MKX: variants seen among roughly 807,000 people sequenced by gnomAD.
The protein encoded by MKX is homeobox protein Mohawk.
MKX carries 13 observed loss-of-function variants against 36.0 expected under a neutral mutation model. That is an observed-to-expected ratio of 0.36 (90% CI 0.24 to 0.57). MKX has a LOEUF of 0.57. Among genes scored for constraint, MKX ranks in the 20% least tolerant of loss-of-function variants. The pLI, the probability that MKX is intolerant of heterozygous loss-of-function variation, is 0.79. For synonymous variants in MKX, 176 were observed against 178.3 expected, an observed-to-expected ratio of 0.99 and a Z score of 0.10; for missense variants, 458 against 456.4, an observed-to-expected ratio of 1.00 and a Z score of -0.03.
chr10:27,694,700 A>AAG (rs1836522170), intron 5 of MKX, among the ~76,000 whole-genome samples: 1 of 149,924 alleles, frequency 6.7e-6, no homozygotes. Context: ...GTCTCAAAAA[A>AAG]AAAAAAAAAA....
chr10:27,688,294 A>G (rs1836393209), intron 5 of MKX, among the ~76,000 whole-genome samples: 1 of 152,222 alleles, frequency 6.6e-6, no homozygotes. Flanking sequence ...TTATTCGATG[A>G]TTTAATATGA....
chr10:27,676,422 G>A (rs1458475339), intron 5 of MKX, among the ~76,000 whole-genome samples: 8 of 146,882 alleles, frequency 5.4e-5, no homozygotes, highest in Non-Finnish European at 1.0e-4. Context: ...CTGTTGCCCA[G>A]GCTGGAGTGC....
chr10:27,698,865 T>G (rs1025024630), intron 5 of MKX, among the ~76,000 whole-genome samples: 2 of 152,156 alleles, frequency 1.3e-5, no homozygotes, highest in African/African-American at 4.8e-5. Context: ...AAAAGAGGTA[T>G]GTAAATCAAT....
intron 5 of MKX, among the ~76,000 whole-genome samples, chr10:27,700,446 C>A (rs893059875): frequency 6.6e-6 from 1 of 152,116 alleles, no homozygotes; most frequent in Non-Finnish European, 1.5e-5. Context: ...TTTACACTAT[C>A]GGTAAAAATC....
At chr10:27,732,728 C>T (rs1834659131) in intron 5 of MKX, among the ~76,000 whole-genome samples, 1 of 152,158 alleles carries the variant, frequency 6.6e-6, no homozygotes, top group Non-Finnish European at 1.5e-5. Context: ...CTGGTCACAA[C>T]AGTCAGATGT....
At chr10:27,707,223 C>T (rs887318813) in intron 5 of MKX, among the ~76,000 whole-genome samples, 1 of 147,280 alleles carries the variant, frequency 6.8e-6, no homozygotes, top group Non-Finnish European at 1.5e-5. Context: ...CTTTCATCAG[C>T]TCTAGGTACT....
chr10:27,673,847 A>G lies in MKX; in HGVS notation c.*1382T>C, dbSNP rs1200742831. The stretch of plus-strand genomic sequence containing the variant: ...ACCACTGGCTGCACTATTGACCCTC[A>G]TTCACACTGACAAAAATGCTTTCCA... On this transcript the variant is annotated 3_prime_UTR_variant, in exon 7 of 7. Transcript: ENST00000419761. 1 of 152,350 alleles carries G rather than the reference A, an allele frequency of 6.6e-6. No individual in the cohort carries two copies. The highest frequency in any genetic ancestry group is 1.5e-5 in the Non-Finnish European group (1 of 67,978). The allele number at this position is 152,350 out of a possible 1,614,324, so 9.4% of individuals were successfully genotyped here. A position where few individuals can be genotyped will look rare whatever the true frequency, so the allele number is the denominator to read the frequency against.
At chr10:27,695,597 A>G (rs539730823) in intron 5 of MKX, among the ~76,000 whole-genome samples, 133 of 152,356 alleles carry the variant, frequency 8.7e-4, no homozygotes, top group South Asian at 2.1e-3. Flanking sequence ...GAAGATGCAC[A>G]TAAAATGAAA....
chr10:27,730,445 C>T (rs1209462919), intron 5 of MKX, among the ~76,000 whole-genome samples: 1 of 147,868 alleles, frequency 6.8e-6, no homozygotes, highest in Non-Finnish European at 1.5e-5. Flanking sequence ...TTTCTCACAC[C>T]AACTTTCAAC....
At chr10:27,711,322 C>A (rs150471354) in intron 5 of MKX, among the ~76,000 whole-genome samples, 54 of 152,294 alleles carry the variant, frequency 3.5e-4, no homozygotes, top group African/African-American at 1.2e-3. Context: ...AAAGCACTAT[C>A]TACTCTTAAA....
chr10:27,709,849 A>G lies in MKX; in HGVS notation c.838+24607T>C, dbSNP rs182374894. ...ATAATGTGAGCTACATGCAAACCAC[A>G]TAAGTCATTTAACATGTTCTAGTAG... is the stretch of plus-strand genomic sequence containing the variant. On this transcript the variant is annotated intron_variant, in intron 5 of 6. Transcript: ENST00000419761. 3.0e-3 allele frequency among the ~76,000 whole-genome samples: 457 copies of G among 152,350 alleles called. 11 individuals are homozygous for G. The Middle Eastern group carries it at 0.041, about 14-fold the overall frequency.
chr10:27,735,818 G>A (rs1310022559), intron 3 of MKX, among the ~76,000 whole-genome samples: 14 of 152,174 alleles, frequency 9.2e-5, no homozygotes, highest in Non-Finnish European at 8.8e-5. Context: ...GGTCAAGAGG[G>A]AAGGGAAGTG....
intron 3 of MKX, among the ~76,000 whole-genome samples, chr10:27,740,699 G>A (rs1834874459): frequency 6.6e-6 from 1 of 152,178 alleles, no homozygotes; most frequent in Non-Finnish European, 1.5e-5. Flanking sequence ...CTCTCCTTAA[G>A]CCCAGCAGAA....
At position 27,734,756 on chromosome 10, in the gene MKX, C is replaced by A; in HGVS notation, c.538G>T (p.Gly180Trp). ...TGGTGAACTGGGGTATTATAGCCCC[C>A]TTCGTTCATGTGGGTTCTTGGAGGA... is the stretch of plus-strand genomic sequence containing the variant. ...ENPPRTHMNE[G>W]GYNTPVHHPV... Residue 180 changes from glycine (G) to tryptophan (W), a missense_variant, in exon 5 of 7, where the codon GGG (glycine) becomes TGG (tryptophan). Physicochemically the swap from Gly to Trp is radical, Grantham distance 184 (BLOSUM62 -2). Around this residue, in one of 3 missense-constraint regions of MKX, gnomAD observed 297 missense variants for 304.4 expected, o/e 0.98. Coordinates refer to ENST00000419761, the MANE Select transcript of MKX (RefSeq NM_173576.3). The A allele has an allele frequency of 6.2e-7, 1 of 1,613,570 alleles. No homozygotes were observed. The highest frequency in any genetic ancestry group is 8.5e-7 in the Non-Finnish European group (1 of 1,179,674).
chr10:27,735,868 A>C (rs1348730722), intron 3 of MKX, among the ~76,000 whole-genome samples: 2 of 152,196 alleles, frequency 1.3e-5, no homozygotes, highest in African/African-American at 4.8e-5. Flanking sequence ...ATAGAAGTGA[A>C]ATTCCACAGA....
intron 5 of MKX, among the ~76,000 whole-genome samples, chr10:27,690,348 C>T (rs1028898190): frequency 6.7e-5 from 10 of 149,220 alleles, no homozygotes; most frequent in Non-Finnish European, 1.2e-4. Context: ...CCAGCCTGGG[C>T]GACAGAGTGA....
intron 5 of MKX, among the ~76,000 whole-genome samples, chr10:27,721,568 T>G (rs1463429618): frequency 6.6e-6 from 1 of 152,072 alleles, no homozygotes; most frequent in African/African-American, 2.4e-5. Flanking sequence ...AAGTGGGAGC[T>G]GAATAATGAG....
At position 27,673,656 on chromosome 10, in the gene MKX, C is replaced by A. The variant is rs1334911836; in HGVS notation, c.*1573G>T. On this transcript the variant is annotated 3_prime_UTR_variant, in exon 7 of 7. Transcript: ENST00000419761. ...CAAAGTAAAAATATATATATATACA[C>A]AAAATATTTTTATATCAAATTATCT... The A allele has an allele frequency of 3.3e-5, 5 of 152,012 alleles. No individual in the cohort carries two copies. Among genetic ancestry groups the A allele is most frequent in the Non-Finnish European group, 5.9e-5 (4 of 67,942 alleles). The allele number at this position is 152,012 out of a possible 1,614,324, so 9.4% of individuals were successfully genotyped here. A position where few individuals can be genotyped will look rare whatever the true frequency, so the allele number is the denominator to read the frequency against.
chr10:27,706,876 A>G (rs934962725), intron 5 of MKX, among the ~76,000 whole-genome samples: 1 of 152,224 alleles, frequency 6.6e-6, no homozygotes, highest in South Asian at 2.1e-4. Context: ...ACAGTTAAAT[A>G]TTTTAAAGAT....
Sources: gnomAD v4.1 joint callset for allele counts (sites outside exome capture counted in the v4.1 genomes callset) on GRCh38, gnomAD v4.1.1 for gene constraint, gnomAD v4.1.1 regional missense constraint, MANE v1.5 for transcripts, NCBI Gene and HGNC (gene_info 2026-07-23, HGNC 2026-07-21) for gene names.